Variants in ZBTB5 observed in about 807,000 individuals in gnomAD.
ZBTB5 encodes zinc finger and BTB domain containing 5.
Under a neutral mutation model 37.9 loss-of-function variants are expected in ZBTB5, and 15 were observed. The ratio of observed to expected loss-of-function variants is 0.40; its 90% CI spans 0.26 to 0.61. The LOEUF is 0.61. Ranked by LOEUF, ZBTB5 falls within the 20% of genes least tolerant of loss-of-function variation. The pLI, the probability that ZBTB5 is intolerant of heterozygous loss-of-function variation, is 0.47. For missense variants in ZBTB5, 708 were observed against 856.8 expected (o/e 0.83, Z 2.17); for synonymous variants, 315 against 312.4 (o/e 1.01, Z -0.09).
At chr9:37,451,648 A>G (rs1407673959) in intron 1 of ZBTB5, among the ~76,000 whole-genome samples, 5 of 152,152 alleles carry the variant, frequency 3.3e-5, no homozygotes, top group Admixed American at 2.0e-4. Flanking sequence ...GAAAGCCTGA[A>G]TAGACTATAA....
At chr9:37,453,116 C>T (rs1824130707) in intron 1 of ZBTB5, among the ~76,000 whole-genome samples, 1 of 152,230 alleles carries the variant, frequency 6.6e-6, no homozygotes, top group South Asian at 2.1e-4. Flanking sequence ...ACCCCTGTCC[C>T]ATAACCATTA....
chr9:37,455,468 CT>C (rs1824170072), intron 1 of ZBTB5, among the ~76,000 whole-genome samples: 1 of 152,234 alleles, frequency 6.6e-6, no homozygotes, highest in African/African-American at 2.4e-5. Flanking sequence ...AGGTACTGAG[CT>C]GGTTAACACT....
rs1367023718 is a variant in ZBTB5 at position 37,442,273 on chromosome 9, C to G, written c.279G>C (p.Glu93Asp). 1 of 1,614,098 alleles carries G rather than the reference C, an allele frequency of 6.2e-7. No homozygotes were observed. Among genetic ancestry groups the G allele is most frequent in the East Asian group, 2.2e-5 (1 of 44,898 alleles). ...CCAATAAGACATCCATTACATTGCT[C>G]TCCCCCAGCATGAGGGTGGAGGTAT... The part of the protein sequence containing the change: ...MMYTSTLMLG[E>D]SNVMDVLLAA... The change falls in exon 2 of 2, where the codon GAG becomes GAC. Residue 93 changes from glutamate to aspartate, a missense_variant. Around this residue, in one of 3 missense-constraint regions of ZBTB5, gnomAD observed 639 missense variants for 690.5 expected, o/e 0.93. Coordinates refer to ENST00000307750, the MANE Select transcript of ZBTB5 (RefSeq NM_014872.3).
chr9:37,440,808 G>A lies in ZBTB5; in HGVS notation c.1744C>T (p.Pro582Ser). Residue 582 changes from proline (P) to serine (S), a missense_variant, in exon 2 of 2, where the codon CCA (proline) becomes TCA (serine). Physicochemically the swap from Pro to Ser is moderately conservative, Grantham distance 74. This residue lies in a region of ZBTB5 where 639 missense variants were observed against 690.5 expected (regional missense o/e 0.93). Transcript: ENST00000307750. The stretch of plus-strand genomic sequence containing the variant: ...TCTGCAGATGCCCTGGTCAACTGTG[G>A]AGGGCCAGGCTGGGAAGGATGGCCA... ...ENGHPSQPGP[P>S]QLTRASADVL... The A allele has an allele frequency of 6.2e-7, 1 of 1,614,206 alleles. No homozygotes were observed.
At position 37,439,788 on chromosome 9, in the gene ZBTB5, G is replaced by GAAACAAAC. The variant is rs2308190; in HGVS notation, c.*729_*730insGTTTGTTT. On this transcript the variant is annotated 3_prime_UTR_variant, in exon 2 of 2. Transcript: ENST00000307750. ...AAATACTGCTCAAACAGCACATAGG[G>GAAACAAAC]AAACAATACCTTGTCACTCTCTACA... The GAAACAAAC allele has an allele frequency of 2.0e-5, 3 of 151,694 alleles. No individual in the cohort carries two copies. The highest frequency in any genetic ancestry group is 2.1e-4 in the South Asian group (1 of 4,830). The allele number at this position is 151,694 out of a possible 1,614,324, so 9.4% of individuals were successfully genotyped here.
At chr9:37,463,668 C>A (rs1271790387) in intron 1 of ZBTB5, among the ~76,000 whole-genome samples, 2 of 152,196 alleles carry the variant, frequency 1.3e-5, no homozygotes, top group Non-Finnish European at 2.9e-5. Flanking sequence ...CTTTTGAGAG[C>A]GTTCGCTCCT....
intron 1 of ZBTB5, among the ~76,000 whole-genome samples, chr9:37,456,307 A>T (rs971073457): frequency 7.2e-5 from 11 of 152,166 alleles, no homozygotes; most frequent in Non-Finnish European, 1.5e-4. Flanking sequence ...GTACTGGAAC[A>T]TCCATCCATT....
At chr9:37,453,224 C>T (rs183753720) in intron 1 of ZBTB5, among the ~76,000 whole-genome samples, 2 of 152,324 alleles carry the variant, frequency 1.3e-5, no homozygotes, top group East Asian at 3.9e-4. Flanking sequence ...GGGTCTTGCT[C>T]TGTCATCCAG....
chr9:37,461,270 A>G (rs1251026689), intron 1 of ZBTB5, among the ~76,000 whole-genome samples: 4 of 152,226 alleles, frequency 2.6e-5, no homozygotes, highest in Non-Finnish European at 5.9e-5. Context: ...ACTAAACCAT[A>G]AGGACTATAA....
Position 37,441,765 on chromosome 9 carries a change from A to C in ZBTB5, c.787T>G (p.Ser263Ala), listed in dbSNP as rs1366678845. 1 of 1,613,958 alleles carries C rather than the reference A, an allele frequency of 6.2e-7. No homozygotes were observed. Among genetic ancestry groups the C allele is most frequent in the Admixed American group, 1.7e-5 (1 of 59,992 alleles). Residue 263 changes from serine to alanine, a missense_variant, in exon 2 of 2, where the codon TCT becomes GCT. Ser to Ala is a moderately conservative substitution (Grantham distance 99, BLOSUM62 1). This residue lies in a region of ZBTB5 where 639 missense variants were observed against 690.5 expected (regional missense o/e 0.93). Coordinates refer to ENST00000307750, the MANE Select transcript of ZBTB5 (RefSeq NM_014872.3). ...TGGGCATCTTCTTGAGTGCCAAAAG[A>C]CTGATCAAACATGATCGCACTATCT... Reference protein sequence around the residue: ...QEDSAIMFDQSFGTQEDAQVP... With the variant: ...QEDSAIMFDQAFGTQEDAQVP...
intron 1 of ZBTB5, among the ~76,000 whole-genome samples, chr9:37,461,100 CA>C (rs1478786821): frequency 6.6e-6 from 1 of 152,192 alleles, no homozygotes; most frequent in Non-Finnish European, 1.5e-5. Flanking sequence ...ACTTGACCTG[CA>C]GAGTTGCTTT....
intron 1 of ZBTB5, among the ~76,000 whole-genome samples, chr9:37,462,240 G>A (rs772698288): frequency 7.2e-5 from 11 of 152,124 alleles, no homozygotes; most frequent in Non-Finnish European, 1.2e-4. Context: ...ATGGCATAAT[G>A]CTTACTTATG....
At chr9:37,455,598 C>G (rs766273360) in intron 1 of ZBTB5, among the ~76,000 whole-genome samples, 4 of 152,162 alleles carry the variant, frequency 2.6e-5, no homozygotes, top group Non-Finnish European at 4.4e-5. Flanking sequence ...AGAGCTTGCC[C>G]CAGCTCCTGC....
chr9:37,456,425 CATA>C (rs1359313648), intron 1 of ZBTB5, among the ~76,000 whole-genome samples: 1 of 152,230 alleles, frequency 6.6e-6, no homozygotes, highest in African/African-American at 2.4e-5. Flanking sequence ...TGACTAATGT[CATA>C]ATATCTCTGG....
intron 1 of ZBTB5, among the ~76,000 whole-genome samples, chr9:37,447,024 C>G (rs1328783157): frequency 1.3e-5 from 2 of 152,206 alleles, no homozygotes; most frequent in African/African-American, 2.4e-5. Flanking sequence ...TTCTCTCCTA[C>G]AGTGGGGAAT....
Position 37,441,357 on chromosome 9 carries a change from T to C in ZBTB5, c.1195A>G (p.Asn399Asp), listed in dbSNP as rs1564309308. The C allele has an allele frequency of 2.5e-6, 4 of 1,614,054 alleles. 1 individual carries two copies. In the South Asian group the frequency reaches 4.4e-5, roughly 18 times the overall value. The change falls in exon 2 of 2, where the codon AAT (asparagine) becomes GAT (aspartate). Residue 399 changes from asparagine to aspartate, a missense_variant. This residue lies in a region of ZBTB5 where 639 missense variants were observed against 690.5 expected (regional missense o/e 0.93). Coordinates refer to ENST00000307750, the MANE Select transcript of ZBTB5 (RefSeq NM_014872.3). ...AAAGTGGACTTATGCTCTAGGTTAT[T>C]TGTGACTTCCAAAATATGGATATCA... ...VGDIHILEVT[N>D]NLEHKSTFSI...
chr9:37,449,672 C>T (rs1271256459), intron 1 of ZBTB5, among the ~76,000 whole-genome samples: 1 of 136,958 alleles, frequency 7.3e-6, no homozygotes, highest in Non-Finnish European at 1.5e-5. Flanking sequence ...GCACTCTAGT[C>T]TGCGCGATAG....
At chr9:37,457,180 C>T (rs1190727080) in intron 1 of ZBTB5, among the ~76,000 whole-genome samples, 1 of 152,114 alleles carries the variant, frequency 6.6e-6, no homozygotes, top group African/African-American at 2.4e-5. Context: ...CCTCAACAGC[C>T]CATAAAGGTA....
Position 37,440,880 on chromosome 9 carries a change from T to TA in ZBTB5, c.1671dup (p.Thr558TyrfsTer15). On this transcript the variant is annotated frameshift_variant, in exon 2 of 2. Transcript: ENST00000307750. LOFTEE classifies it high-confidence loss of function. The stretch of plus-strand genomic sequence containing the variant: ...CCATTCATCATTAGCTGAGAACTGG[T>TA]AGAGTTTTCTGGGATCTGTGAGCTC... 6.2e-7 allele frequency: 1 copy of TA among 1,614,098 alleles called. No individual in the cohort carries two copies. Among genetic ancestry groups the TA allele is most frequent in the South Asian group, 1.1e-5 (1 of 91,076 alleles).
Sources: allele counts gnomAD v4.1 joint callset (sites outside exome capture counted in the v4.1 genomes callset), GRCh38; gene constraint gnomAD v4.1.1; regional missense constraint gnomAD v4.1.1; transcripts MANE v1.5; gene names NCBI Gene and HGNC (gene_info 2026-07-23, HGNC 2026-07-21).